NOTCH2: variants seen among roughly 807,000 people sequenced by gnomAD.
The protein encoded by NOTCH2 is neurogenic locus notch homolog protein 2.
Under a neutral mutation model 235.8 loss-of-function variants are expected in NOTCH2, and 29 were observed. That is an observed-to-expected ratio of 0.12 (90% CI 0.09 to 0.17). NOTCH2 has a LOEUF of 0.17. NOTCH2 is among the 10% of genes least tolerant of loss of function. The pLI, the probability that NOTCH2 is intolerant of heterozygous loss-of-function variation, is 1.00. For synonymous variants in NOTCH2, 1,086 were observed against 1,141.5 expected, an observed-to-expected ratio of 0.95 and a Z score of 0.98; for missense variants, 2,285 against 3,150.2, an observed-to-expected ratio of 0.73 and a Z score of 6.57.
In NOTCH2 at chr1:119,948,513, G is replaced by A. The variant is rs2101114571; in HGVS notation, c.2653C>T (p.His885Tyr). ...CCCTGGGTGTTATGGCAGAGACCAT[G>A]GTTCATGCAGGGCTTGGAGATACAC... ...DECISKPCMN[H>Y]GLCHNTQGSY... The change falls in exon 17 of 34, where the codon CAT (histidine) becomes TAT (tyrosine). Residue 885 changes from histidine to tyrosine, a missense_variant. By Grantham distance (83) the His-to-Tyr change is moderately conservative. Around this residue, in one of 6 missense-constraint regions of NOTCH2, gnomAD observed 1,173 missense variants for 1,515.3 expected, o/e 0.77. Transcript: ENST00000256646. 1 of 1,614,160 alleles carries A rather than the reference G, an allele frequency of 6.2e-7. No homozygotes were observed. The highest frequency in any genetic ancestry group is 1.6e-4 in the Middle Eastern group (1 of 6,062).
At chr1:120,045,769 CGTG>C (rs1284235641) in intron 1 of NOTCH2, among the ~76,000 whole-genome samples, 1 of 152,168 alleles carries the variant, frequency 6.6e-6, no homozygotes, top group Non-Finnish European at 1.5e-5. Flanking sequence ...ATATTTGAAA[CGTG>C]GGGAGTAAAA....
intron 1 of NOTCH2, among the ~76,000 whole-genome samples, chr1:120,058,219 A>C (rs587683195): frequency 4.5e-4 from 69 of 152,294 alleles, no homozygotes; most frequent in Admixed American, 2.0e-3. Flanking sequence ...ATCAAGCTGC[A>C]AGGACCAGGC....
intron 1 of NOTCH2, among the ~76,000 whole-genome samples, chr1:120,060,932 AAAGT>A (rs1236382708): frequency 7.5e-6 from 1 of 134,094 alleles, no homozygotes; most frequent in East Asian, 2.0e-4. Context: ...ATGTTGTAAT[AAAGT>A]AAATGCCCTT....
Position 119,959,403 on chromosome 1 carries a change from G to C in NOTCH2, c.2015C>G (p.Pro672Arg). The stretch of plus-strand genomic sequence containing the variant: ...AAAAGGAGCTTTACCTGTGAATCCT[G>C]GTGAGCAGACACAACTGTAGCGATT... ...GINRYSCVCS[P>R]GFTGQRCNID... The change falls in exon 12 of 34, where the codon CCA becomes CGA. Residue 672 changes from proline to arginine, a missense_variant. Pro to Arg is a moderately radical substitution (Grantham distance 103). Around this residue, in one of 6 missense-constraint regions of NOTCH2, gnomAD observed 1,173 missense variants for 1,515.3 expected, o/e 0.77. Transcript: ENST00000256646. 1 of 1,596,256 alleles carries C rather than the reference G, an allele frequency of 6.3e-7. No individual in the cohort carries two copies. Among genetic ancestry groups the C allele is most frequent in the Non-Finnish European group, 8.6e-7 (1 of 1,163,858 alleles).
At chr1:120,003,543 T>C (rs1171110995) in intron 3 of NOTCH2, among the ~76,000 whole-genome samples, 1 of 152,062 alleles carries the variant, frequency 6.6e-6, no homozygotes, top group African/African-American at 2.4e-5. Flanking sequence ...CATTTTTCAC[T>C]TTTTTGCTTA....
chr1:119,943,870 G>A (rs1175457229), intron 17 of NOTCH2, among the ~76,000 whole-genome samples: 2 of 151,422 alleles, frequency 1.3e-5, no homozygotes, highest in East Asian at 3.9e-4. Context: ...CAAAGAGGGA[G>A]GTAACGTTAA....
intron 12 of NOTCH2, 23 bp downstream of exon 12, chr1:119,959,369 C>G: frequency 1.6e-6 from 2 of 1,227,454 alleles, no homozygotes; most frequent in Non-Finnish European, 2.4e-6. Context: ...GAAGGAGGGG[C>G]CTTGCAGTAA....
chr1:120,012,228 C>T (rs1486184518), intron 2 of NOTCH2, among the ~76,000 whole-genome samples: 1 of 138,792 alleles, frequency 7.2e-6, no homozygotes, highest in African/African-American at 2.8e-5. Flanking sequence ...CAGAGCTGAA[C>T]CATGACCTCC....
At chr1:120,027,720 T>C (rs587755635) in intron 2 of NOTCH2, among the ~76,000 whole-genome samples, 2 of 149,874 alleles carry the variant, frequency 1.3e-5, no homozygotes, top group African/African-American at 4.9e-5. Context: ...AGTGAGAACA[T>C]GCCGTGTTTG....
intron 15 of NOTCH2, among the ~76,000 whole-genome samples, chr1:119,949,383 CTTTTT>C (rs1175930294): frequency 8.9e-6 from 1 of 112,730 alleles, no homozygotes; most frequent in Non-Finnish European, 1.9e-5. Context: ...ACTACTATTT[CTTTTT>C]TTTTTTTTTT....
rs1378999625 is a variant in NOTCH2 at position 119,972,283 on chromosome 1, G to A, written c.875-2539C>T. Among the ~76,000 whole-genome samples, 5 of 152,146 alleles carry A rather than the reference G, an allele frequency of 3.3e-5. 1 individual carries two copies. The highest frequency in any genetic ancestry group is 1.2e-4 in the African/African-American group (5 of 41,434). ...CTGTCTTATAGTGCTAGCAGAAATG[G>A]TACCTCAAAGTAATGACAGCTGTGT... On this transcript the variant is annotated intron_variant, in intron 5 of 33. Transcript: ENST00000256646.
chr1:119,937,758 C>T, intron 20 of NOTCH2, 99 bp downstream of exon 20: 1 of 1,376,382 alleles, frequency 7.3e-7, no homozygotes, highest in Non-Finnish European at 1.0e-6. Context: ...TACTATCTGC[C>T]CTTCCCTCTT....
At chr1:119,943,352 C>T (rs973169574) in intron 17 of NOTCH2, among the ~76,000 whole-genome samples, 2 of 151,992 alleles carry the variant, frequency 1.3e-5, no homozygotes, top group Non-Finnish European at 2.9e-5. Flanking sequence ...GAAGAACCAC[C>T]AGAAAGAAGT....
chr1:120,032,406 T>C (rs1353856109), intron 1 of NOTCH2, among the ~76,000 whole-genome samples: 10 of 138,220 alleles, frequency 7.2e-5, no homozygotes, highest in Middle Eastern at 3.5e-3. Flanking sequence ...TTAAGTGTCC[T>C]GACAAATCAT....
intron 5 of NOTCH2, among the ~76,000 whole-genome samples, chr1:119,974,712 C>G (rs1240366513): frequency 6.6e-6 from 1 of 152,210 alleles, no homozygotes; most frequent in Non-Finnish European, 1.5e-5. Context: ...CCTGCTTATT[C>G]ACATGGCGAG....
intron 13 of NOTCH2, among the ~76,000 whole-genome samples, chr1:119,953,961 C>T (rs951608664): frequency 1.4e-4 from 21 of 152,040 alleles, no homozygotes; most frequent in African/African-American, 5.1e-4. Context: ...ATATATTGGG[C>T]CACTCTGAAG....
Position 119,968,339 on chromosome 1 carries a change from T to C in NOTCH2, c.1109-107A>G, listed in dbSNP as rs956111458. The C allele has an allele frequency of 2.9e-5, 35 of 1,210,998 alleles. No individual in the cohort carries two copies. The Middle Eastern group carries it at 7.9e-4, about 27-fold the overall frequency. 75.0% of individuals were successfully genotyped at this position (1,210,998 alleles called of 1,614,324 possible). On this transcript the variant is annotated intron_variant, in intron 6 of 33. Transcript: ENST00000256646. ...AAACCTCATGATCAGTTCCTCAGAA[T>C]CCAACATGGAGATTTATACGCAACT... is the stretch of plus-strand genomic sequence containing the variant.
Position 119,941,603 on chromosome 1 carries a change from G to A in NOTCH2, c.2904C>T (p.Val968=). 6.2e-7 allele frequency: 1 copy of A among 1,614,118 alleles called. No homozygotes were observed. The highest frequency in any genetic ancestry group is 8.5e-7 in the Non-Finnish European group (1 of 1,180,020). The part of the protein sequence containing the change: ...CKNGGTCSDY[V]NSYTCKCQAG... ...CCTGGCACTTGCAAGTGTAACTGTTGACGTAGTCAGAGCAGGTCCCTCCAT... is the reference window on the plus strand; with the variant it reads ...CCTGGCACTTGCAAGTGTAACTGTTAACGTAGTCAGAGCAGGTCCCTCCAT... The change falls in exon 18 of 34, where the codon GTC becomes GTT. Residue 968 remains valine, a synonymous_variant. Coordinates refer to ENST00000256646, the MANE Select transcript of NOTCH2 (RefSeq NM_024408.4).
rs1439678181 is a variant in NOTCH2, at chr1:119,991,926, G to A, written c.752-4844C>T. Among the ~76,000 whole-genome samples the A allele has an allele frequency of 1.5e-5, 2 of 134,886 alleles. 1 individual carries two copies. The highest frequency in any genetic ancestry group is 6.6e-5 in the African/African-American group (2 of 30,148). The allele number at this position is 134,886 out of a possible 152,430, so 88.5% of individuals were successfully genotyped here. On this transcript the variant is annotated intron_variant, in intron 4 of 33. Transcript: ENST00000256646. ...TCCCTGACCTATCCCTATCCAACCA[G>A]TTTTCTTGGCACACAACTTCCATTC...
Sources: gnomAD v4.1 joint callset for allele counts (sites outside exome capture counted in the v4.1 genomes callset) on GRCh38, gnomAD v4.1.1 for gene constraint, gnomAD v4.1.1 regional missense constraint, MANE v1.5 for transcripts, NCBI Gene and HGNC (gene_info 2026-07-23, HGNC 2026-07-21) for gene names.